The following SIGLEC5 variants were observed in gnomAD, a reference collection of about 807,000 sequenced individuals.
SIGLEC5 encodes the protein sialic acid binding Ig like lectin 5.
SIGLEC5 carries 34 observed loss-of-function variants against 45.9 expected under a neutral mutation model. The observed-to-expected ratio is 0.74, with a 90% CI of 0.56 to 0.99. The LOEUF is 0.99. Ranked by LOEUF, SIGLEC5 falls within the 50% of genes least tolerant of loss-of-function variation. SIGLEC5 has a pLI of 0.00. For missense variants in SIGLEC5, 508 were observed against 629.6 expected (o/e 0.81, Z 2.07); for synonymous variants, 203 against 258.6 (o/e 0.79, Z 2.06).
intron 6 of SIGLEC5, 46 bp downstream of exon 6, chr19:51,627,416 A>G: frequency 1.3e-6 from 2 of 1,576,472 alleles, no homozygotes; most frequent in Non-Finnish European, 1.7e-6. Flanking sequence ...TCTGGGATCC[A>G]TGCCCCTCCC....
Position 51,627,942 on chromosome 19 carries a change from C to T in SIGLEC5, c.889G>A (p.Gly297Arg). Residue 297 changes from glycine to arginine, a missense_variant, in exon 5 of 9, where the codon GGG becomes AGG. Transcript: ENST00000683636. ...CTTACTCGACGAAGCTCCAAGATCC[C>T]GGTATTGGAGATGGGGGTGGCGTTC... ...ALNATPISNT[G>R]ILELRRVRSA... The T allele has an allele frequency of 2.5e-6, 4 of 1,614,078 alleles. No homozygotes were observed. The highest frequency in any genetic ancestry group is 4.5e-5 in the East Asian group (2 of 44,884).
At chr19:51,615,008 C>T (rs1983002106) in intron 8 of SIGLEC5, among the ~76,000 whole-genome samples, 1 of 152,306 alleles carries the variant, frequency 6.6e-6, no homozygotes, top group Non-Finnish European at 1.5e-5. Flanking sequence ...GGTCACACAG[C>T]TTGCAAGTGG....
chr19:51,616,161 A>G (rs1472748353), intron 8 of SIGLEC5, among the ~76,000 whole-genome samples: 1 of 152,204 alleles, frequency 6.6e-6, no homozygotes, highest in Non-Finnish European at 1.5e-5. Flanking sequence ...AGAGTAGCCA[A>G]TAACCCCAGG....
In SIGLEC5 at chr19:51,614,497, T is replaced by A. The variant is rs17802750; in HGVS notation, c.1465-2075A>T. Among the ~76,000 whole-genome samples the A allele has an allele frequency of 0.014, 2,072 of 152,004 alleles. 69 individuals are homozygous for A. In the East Asian group the frequency reaches 0.14, roughly 10 times the overall value. On this transcript the variant is annotated intron_variant, in intron 8 of 8. Transcript: ENST00000683636. ...ATGGCTTCATTGTGTCAGAAAAAAA[T>A]AGACTTTCTGGAGAGAGCTGCTTAT...
chr19:51,620,294 A>T (rs1413701809), intron 8 of SIGLEC5, among the ~76,000 whole-genome samples: 2 of 152,132 alleles, frequency 1.3e-5, no homozygotes, highest in East Asian at 3.8e-4. Flanking sequence ...TCTTATCTTG[A>T]TACCCAAACA....
intron 8 of SIGLEC5, among the ~76,000 whole-genome samples, chr19:51,617,822 G>T (rs1003038234): frequency 6.6e-6 from 1 of 151,728 alleles, no homozygotes; most frequent in African/African-American, 2.4e-5. Context: ...TCAAATAATA[G>T]AAAAATGCTA....
At chr19:51,628,582 CGTGTGT>C (rs1381375531) in intron 4 of SIGLEC5, among the ~76,000 whole-genome samples, 1 of 151,746 alleles carries the variant, frequency 6.6e-6, no homozygotes, top group South Asian at 2.1e-4. Context: ...CACCTGTGTG[CGTGTGT>C]GTGTGCGTGT....
Position 51,628,008 on chromosome 19 carries a change from G to A in SIGLEC5, c.823C>T (p.Pro275Ser), listed in dbSNP as rs747643518. 4 of 1,610,732 alleles carry A rather than the reference G, an allele frequency of 2.5e-6. No individual in the cohort carries two copies. The South Asian group carries it at 3.3e-5, about 13-fold the overall frequency. ...LRLLCDAPSN[P>S]PAHLSWFQGS... ...TGGAACCAGCTCAGGTGTGCAGGGG[G>A]GTTGCTGGGAGCATCACAGAGCAGC... is the stretch of plus-strand genomic sequence containing the variant. Residue 275 changes from proline (P) to serine (S), a missense_variant, in exon 5 of 9, where the codon CCC (proline) becomes TCC (serine). Pro to Ser is a moderately conservative substitution (Grantham distance 74, BLOSUM62 -1). Transcript: ENST00000683636.
At chr19:51,626,159 G>C (rs772831275) in intron 7 of SIGLEC5, 46 bp from the exon 8 acceptor site, 2 of 1,477,926 alleles carry the variant, frequency 1.4e-6, no homozygotes, top group East Asian at 4.5e-5. Context: ...ACCCAGGCAC[G>C]GGTTAGCGGG....
chr19:51,611,922 C>T lies in SIGLEC5; in HGVS notation c.*309G>A, dbSNP rs1432962852. 5.6e-6 allele frequency: 1 copy of T among 177,820 alleles called. No individual in the cohort carries two copies. The highest frequency in any genetic ancestry group is 1.2e-5 in the Non-Finnish European group (1 of 85,352). The allele number at this position is 177,820 out of a possible 1,614,324, so 11.0% of individuals were successfully genotyped here. A position where few individuals can be genotyped will look rare whatever the true frequency, so the allele number is the denominator to read the frequency against. On this transcript the variant is annotated 3_prime_UTR_variant, in exon 9 of 9. Coordinates refer to ENST00000683636, the MANE Select transcript of SIGLEC5 (RefSeq NM_003830.4). ...TGAGCACAACGCCCTGTTCCAGGACCCATGTTGGTTGATTTCCATGTGTTG... is the reference window on the plus strand; with the variant it reads ...TGAGCACAACGCCCTGTTCCAGGACTCATGTTGGTTGATTTCCATGTGTTG...
intron 8 of SIGLEC5, among the ~76,000 whole-genome samples, chr19:51,624,941 G>A (rs1340488327): frequency 3.3e-5 from 5 of 150,050 alleles, no homozygotes; most frequent in African/African-American, 4.9e-5. Context: ...TCCAGCCTGG[G>A]TGACAGAGCA....
chr19:51,614,360 C>G (rs2122612914), intron 8 of SIGLEC5, among the ~76,000 whole-genome samples: 1 of 152,228 alleles, frequency 6.6e-6, no homozygotes, highest in African/African-American at 2.4e-5. Flanking sequence ...GTCTCAAACT[C>G]CTGGGCTAAG....
At position 51,620,058 on chromosome 19, in the gene SIGLEC5, A is replaced by AATATATATAT. The variant is rs146205373; in HGVS notation, c.1464+5964_1464+5973dup. Among the ~76,000 whole-genome samples the AATATATATAT allele has an allele frequency of 4.9e-3, 734 of 149,108 alleles. 1 individual carries two copies. Among genetic ancestry groups the AATATATATAT allele is most frequent in the East Asian group, 0.028 (144 of 5,064 alleles). On this transcript the variant is annotated intron_variant, in intron 8 of 8. Transcript: ENST00000683636. ...AATGCCACCCATATCCTTTTGTCAAAATATATATATATATATAACTTAGGT... is the reference window on the plus strand; with the variant it reads ...AATGCCACCCATATCCTTTTGTCAAAATATATATATATATATATATATATATAACTTAGGT...
At chr19:51,615,811 T>C (rs998697425) in intron 8 of SIGLEC5, among the ~76,000 whole-genome samples, 1 of 152,288 alleles carries the variant, frequency 6.6e-6, no homozygotes, top group Non-Finnish European at 1.5e-5. Context: ...TGCTTCACTG[T>C]TGTTGCCCAG....
At chr19:51,613,100 C>G (rs938316108) in intron 8 of SIGLEC5, among the ~76,000 whole-genome samples, 2 of 152,140 alleles carry the variant, frequency 1.3e-5, no homozygotes, top group Non-Finnish European at 2.9e-5. Flanking sequence ...GGTCAAGGCT[C>G]TCCTAGAGAA....
At position 51,629,129 on chromosome 19, in the gene SIGLEC5, T is replaced by C. The variant is rs142327980; in HGVS notation, c.701-53A>G. The C allele has an allele frequency of 5.0e-3, 7,976 of 1,594,968 alleles. 42 individuals are homozygous for C. Among genetic ancestry groups the C allele is most frequent in the South Asian group, 0.013 (1,205 of 89,846 alleles). Reference sequence around the variant, plus strand: ...TCAGCAGTGAGGAGTGAGATGGGCATGGGCCCAGGAGGTACCCAAAGAGGA... The same window carrying C: ...TCAGCAGTGAGGAGTGAGATGGGCACGGGCCCAGGAGGTACCCAAAGAGGA... On this transcript the variant is annotated intron_variant, in intron 3 of 8. Coordinates refer to ENST00000683636, the MANE Select transcript of SIGLEC5 (RefSeq NM_003830.4).
intron 6 of SIGLEC5, 24 bp downstream of exon 6, chr19:51,627,438 G>A: frequency 6.3e-7 from 1 of 1,598,364 alleles, no homozygotes; most frequent in Non-Finnish European, 8.5e-7. Flanking sequence ...TCAGGCCCCT[G>A]CCCTCTGCAA....
At chr19:51,617,453 C>A (rs1313113255) in intron 8 of SIGLEC5, among the ~76,000 whole-genome samples, 1 of 151,836 alleles carries the variant, frequency 6.6e-6, no homozygotes, top group African/African-American at 2.4e-5. Context: ...ATAAAAGTTT[C>A]CAGGGAAAAT....
intron 8 of SIGLEC5, among the ~76,000 whole-genome samples, chr19:51,617,362 T>A: frequency 6.8e-6 from 1 of 148,082 alleles, no homozygotes; most frequent in South Asian, 2.2e-4. Context: ...GCCCCACGAG[T>A]GCAAGAAAAA....
Sources: allele counts gnomAD v4.1 joint callset (sites outside exome capture counted in the v4.1 genomes callset), GRCh38; gene constraint gnomAD v4.1.1; transcripts MANE v1.5; gene names NCBI Gene and HGNC (gene_info 2026-07-23, HGNC 2026-07-21).